The following INPP4B variants were observed in gnomAD, a reference collection of about 807,000 sequenced individuals.
The protein encoded by INPP4B is inositol polyphosphate-4-phosphatase type II B, also known as inositol polyphosphate 4-phosphatase type II.
In INPP4B, 55 loss-of-function variants were observed where a neutral mutation model predicts 122.5. The observed-to-expected ratio is 0.45, with a 90% confidence interval of 0.36 to 0.56. The LOEUF is 0.56. Among genes scored for constraint, INPP4B ranks in the 20% least tolerant of loss-of-function variants. The pLI is 0.00. For synonymous variants in INPP4B, 403 were observed against 388.7 expected (o/e 1.04, Z -0.43); for missense variants, 1,000 against 1,097.7 (o/e 0.91, Z 1.26).
intron 2 of INPP4B, among the ~76,000 whole-genome samples, chr4:142,685,782 A>G (rs1242216326): frequency 1.3e-5 from 2 of 152,124 alleles, no homozygotes; most frequent in Non-Finnish European, 2.9e-5. Flanking sequence ...TATTAAATAA[A>G]TAGGTTTCTA....
chr4:142,119,422 T>C (rs1031225120), intron 21 of INPP4B, among the ~76,000 whole-genome samples: 1 of 152,074 alleles, frequency 6.6e-6, no homozygotes, highest in Non-Finnish European at 1.5e-5. Flanking sequence ...ATAGAATGCA[T>C]TTAGAAAATG....
At chr4:142,768,592 A>G (rs1005536210) in intron 1 of INPP4B, among the ~76,000 whole-genome samples, 3 of 152,246 alleles carry the variant, frequency 2.0e-5, no homozygotes, top group African/African-American at 7.2e-5. Flanking sequence ...ACCTCAGAGC[A>G]TTGTTGTAGG....
rs1460319099 is a variant in INPP4B at position 142,806,763 on chromosome 4, AGAAGAAAGAAAGAAAGAAAGAAGGAAAG to A, written c.-254+39418_-254+39445del. Among the ~76,000 whole-genome samples the A allele has an allele frequency of 7.3e-3, 925 of 125,982 alleles. 20 individuals carry two copies. Among genetic ancestry groups the A allele is most frequent in the Middle Eastern group, 0.011 (3 of 266 alleles). The allele number at this position is 125,982 out of a possible 152,430, so 82.6% of individuals were successfully genotyped here. A position where few individuals can be genotyped will look rare whatever the true frequency, so the allele number is the denominator to read the frequency against. ...TGTTAAAAAAAAAGAAGAAGAAGAA[AGAAGAAAGAAAGAAAGAAAGAAGGAAAG>A]AAAGAAAGAAAGAAAGAAAGAAAGA... On this transcript the variant is annotated intron_variant, in intron 1 of 25. Coordinates refer to ENST00000262992, the MANE Select transcript of INPP4B (RefSeq NM_001101669.3).
intron 16 of INPP4B, among the ~76,000 whole-genome samples, chr4:142,161,651 T>C (rs1820158520): frequency 6.6e-6 from 1 of 151,928 alleles, no homozygotes; most frequent in African/African-American, 2.4e-5. Flanking sequence ...GTCACTAAAT[T>C]ATTTAGAGTA....
intron 2 of INPP4B, among the ~76,000 whole-genome samples, chr4:142,656,210 CACTTTTCT>C (rs1754105882): frequency 1.3e-5 from 2 of 152,160 alleles, no homozygotes; most frequent in Non-Finnish European, 2.9e-5. Context: ...CCAGTTTGCC[CACTTTTCT>C]CCATTCTCAC....
intron 7 of INPP4B, among the ~76,000 whole-genome samples, chr4:142,325,628 T>C (rs1772048986): frequency 6.6e-6 from 1 of 152,202 alleles, no homozygotes; most frequent in Non-Finnish European, 1.5e-5. Flanking sequence ...AAAGCACTCT[T>C]TTAGTTTGGA....
intron 7 of INPP4B, among the ~76,000 whole-genome samples, chr4:142,387,256 C>T (rs1426814408): frequency 6.6e-6 from 1 of 151,982 alleles, no homozygotes; most frequent in Non-Finnish European, 1.5e-5. Flanking sequence ...ATTTTTCTTG[C>T]ATGCTTAGGT....
At chr4:142,811,436 T>A (rs1400002726) in intron 1 of INPP4B, among the ~76,000 whole-genome samples, 2 of 152,204 alleles carry the variant, frequency 1.3e-5, no homozygotes, top group Admixed American at 6.5e-5. Flanking sequence ...TCCAACTGCA[T>A]GAACATGCTT....
chr4:142,189,953 A>T (rs1323806749), intron 15 of INPP4B, among the ~76,000 whole-genome samples: 2 of 152,180 alleles, frequency 1.3e-5, no homozygotes, highest in Non-Finnish European at 2.9e-5. Flanking sequence ...GTATGACCTG[A>T]ATTGCTTTAT....
chr4:142,394,854 T>G lies in INPP4B; in HGVS notation c.372+8084A>C, dbSNP rs962972754. ...TTTTTGTTTTTGTTGCCTATTTTTT[T>G]GGGGTCACAGCCAAAATATCTTTGC... is the stretch of plus-strand genomic sequence containing the variant. On this transcript the variant is annotated intron_variant, in intron 7 of 25. Transcript: ENST00000262992. Among the ~76,000 whole-genome samples the G allele has an allele frequency of 1.1e-4, 16 of 152,350 alleles. No individual in the cohort carries two copies. The East Asian group carries it at 1.5e-3, about 15-fold the overall frequency.
chr4:142,787,798 A>T lies in INPP4B; in HGVS notation c.-254+58411T>A, dbSNP rs1775959498. On this transcript the variant is annotated intron_variant, in intron 1 of 25. Coordinates refer to ENST00000262992, the MANE Select transcript of INPP4B (RefSeq NM_001101669.3). ...AATGGAGGTGGAGGAACACACACAT[A>T]AAAAGGCAAATGGTAATTTACAATA... Among the ~76,000 whole-genome samples the T allele has an allele frequency of 2.6e-5, 4 of 152,106 alleles. No individual in the cohort carries two copies. In the South Asian group the frequency reaches 8.3e-4, roughly 32 times the overall value.
chr4:142,792,703 A>G (rs1207737478), intron 1 of INPP4B, among the ~76,000 whole-genome samples: 1 of 151,990 alleles, frequency 6.6e-6, no homozygotes, highest in African/African-American at 2.4e-5. Context: ...AAAAATCACT[A>G]CACACCTAAG....
chr4:142,481,434 G>C (rs989901614), intron 2 of INPP4B, among the ~76,000 whole-genome samples: 1 of 152,092 alleles, frequency 6.6e-6, no homozygotes, highest in Middle Eastern at 3.2e-3. Flanking sequence ...GCTTCTGAGA[G>C]GAATCCCTCT....
chr4:142,478,795 G>C (rs1213952378), intron 2 of INPP4B, among the ~76,000 whole-genome samples: 1 of 152,048 alleles, frequency 6.6e-6, no homozygotes. Flanking sequence ...AATAATACTG[G>C]CCTCATAGAA....
intron 15 of INPP4B, among the ~76,000 whole-genome samples, chr4:142,182,273 G>A (rs980524995): frequency 3.3e-5 from 5 of 152,112 alleles, no homozygotes; most frequent in Non-Finnish European, 7.4e-5. Context: ...TCTTGGCCGG[G>A]CACGGTGGCT....
At position 142,420,104 on chromosome 4, in the gene INPP4B, TA is replaced by T. The variant is rs984153278; in HGVS notation, c.136+9068del. Among the ~76,000 whole-genome samples, 56 of 151,638 alleles carry T rather than the reference TA, an allele frequency of 3.7e-4. 1 individual carries two copies. Among genetic ancestry groups the T allele is most frequent in the African/African-American group, 1.3e-3 (52 of 41,384 alleles). ...TGTTGGTCATGGATGAAAGACAAAT[TA>T]AAAAAAAGTATAAAGGAAACATCTA... is the stretch of plus-strand genomic sequence containing the variant. On this transcript the variant is annotated intron_variant, in intron 5 of 25. Transcript: ENST00000262992.
chr4:142,329,241 G>A (rs1773564570), intron 7 of INPP4B, among the ~76,000 whole-genome samples: 1 of 152,212 alleles, frequency 6.6e-6, no homozygotes, highest in African/African-American at 2.4e-5. Flanking sequence ...GGGTTTCCCT[G>A]AGCAGGTAAC....
intron 12 of INPP4B, among the ~76,000 whole-genome samples, chr4:142,212,115 G>A (rs1308408131): frequency 5.9e-5 from 9 of 152,020 alleles, no homozygotes; most frequent in Admixed American, 2.0e-4. Context: ...AGACAACCCC[G>A]TGTACAACTC....
intron 2 of INPP4B, among the ~76,000 whole-genome samples, chr4:142,664,793 CT>C (rs1314483529): frequency 6.6e-6 from 1 of 152,002 alleles, no homozygotes; most frequent in Non-Finnish European, 1.5e-5. Flanking sequence ...TTAAATTTTG[CT>C]TTTTTCAACC....
Sources: allele counts gnomAD v4.1 joint callset (sites outside exome capture counted in the v4.1 genomes callset), GRCh38; gene constraint gnomAD v4.1.1; transcripts MANE v1.5; gene names NCBI Gene and HGNC (gene_info 2026-07-23, HGNC 2026-07-21).